GRID2: variants seen among roughly 807,000 people sequenced by gnomAD.
The protein encoded by GRID2 is glutamate ionotropic receptor delta type subunit 2.
GRID2 carries 33 observed loss-of-function variants against 114.8 expected under a neutral mutation model. The observed-to-expected ratio is 0.29, with a 90% CI of 0.22 to 0.38. GRID2 has a LOEUF of 0.38. GRID2 is among the 10% of genes least tolerant of loss of function. The pLI is 1.00. For synonymous variants in GRID2, 505 were observed against 449.9 expected, an observed-to-expected ratio of 1.12 and a Z score of -1.55; for missense variants, 1,184 against 1,257.7, an observed-to-expected ratio of 0.94 and a Z score of 0.89.
intron 2 of GRID2, among the ~76,000 whole-genome samples, chr4:92,758,262 G>C (rs1489749714): frequency 6.6e-6 from 1 of 152,036 alleles, no homozygotes; most frequent in Non-Finnish European, 1.5e-5. Flanking sequence ...ACCAAAATGT[G>C]ATAAAATTGT....
intron 2 of GRID2, among the ~76,000 whole-genome samples, chr4:92,773,100 T>C (rs1738618901): frequency 1.3e-5 from 2 of 152,214 alleles, no homozygotes; most frequent in African/African-American, 2.4e-5. Context: ...CCATTAGATA[T>C]GATAAAAATC....
intron 4 of GRID2, among the ~76,000 whole-genome samples, chr4:93,178,751 T>C (rs1326765957): frequency 1.3e-5 from 2 of 149,806 alleles, no homozygotes; most frequent in African/African-American, 5.0e-5. Flanking sequence ...AATGTGTGTG[T>C]GCGCTGAGAT....
At chr4:93,614,205 A>G (rs1461859146) in intron 13 of GRID2, among the ~76,000 whole-genome samples, 2 of 152,148 alleles carry the variant, frequency 1.3e-5, no homozygotes, top group Non-Finnish European at 2.9e-5. Flanking sequence ...GCCTGCGCCC[A>G]CTGTCTGGCA....
intron 4 of GRID2, among the ~76,000 whole-genome samples, chr4:93,143,882 T>A (rs1416157589): frequency 6.6e-6 from 1 of 152,104 alleles, no homozygotes; most frequent in Non-Finnish European, 1.5e-5. Flanking sequence ...ATGTTCTAAG[T>A]GATTTTTTTT....
chr4:92,667,619 C>A (rs1394906205), intron 2 of GRID2, among the ~76,000 whole-genome samples: 1 of 151,318 alleles, frequency 6.6e-6, no homozygotes, highest in Non-Finnish European at 1.5e-5. Context: ...TTATTTTTGC[C>A]TAGACTATAT....
At chr4:92,728,554 A>G (rs1418627027) in intron 2 of GRID2, among the ~76,000 whole-genome samples, 1 of 152,016 alleles carries the variant, frequency 6.6e-6, no homozygotes, top group Non-Finnish European at 1.5e-5. Flanking sequence ...GAATGAGACC[A>G]AGTCAAAGAG....
At chr4:93,250,093 C>G (rs1748683011) in intron 8 of GRID2, among the ~76,000 whole-genome samples, 1 of 152,138 alleles carries the variant, frequency 6.6e-6, no homozygotes, top group Admixed American at 6.5e-5. Flanking sequence ...TTGGAACTAG[C>G]CCAAATGTCC....
intron 2 of GRID2, among the ~76,000 whole-genome samples, chr4:93,083,660 C>T (rs1466332195): frequency 7.1e-6 from 1 of 141,136 alleles, no homozygotes; most frequent in Non-Finnish European, 1.5e-5. Context: ...CACACCACTG[C>T]ACTCCAGTCT....
chr4:93,259,503 CATACATGAA>C (rs1750007247), intron 8 of GRID2, among the ~76,000 whole-genome samples: 2 of 151,742 alleles, frequency 1.3e-5, no homozygotes, highest in South Asian at 4.1e-4. Context: ...AGGCTTTTTA[CATACATGAA>C]ATTTATACTG....
chr4:93,080,392 T>C (rs1005239410), intron 2 of GRID2, among the ~76,000 whole-genome samples: 2 of 152,120 alleles, frequency 1.3e-5, no homozygotes, highest in African/African-American at 4.8e-5. Context: ...TAATAAAAAG[T>C]CAACAAATAT....
chr4:93,322,097 G>A (rs1757290148), intron 8 of GRID2, among the ~76,000 whole-genome samples: 1 of 148,488 alleles, frequency 6.7e-6, no homozygotes, highest in South Asian at 2.1e-4. Flanking sequence ...TGCACAACAT[G>A]CAGGTTTGTT....
At chr4:92,313,177 A>G (rs982936330) in intron 1 of GRID2, among the ~76,000 whole-genome samples, 5 of 151,910 alleles carry the variant, frequency 3.3e-5, no homozygotes, top group Non-Finnish European at 7.4e-5. Flanking sequence ...CAGCATTTGC[A>G]ATGACTTGGA....
At chr4:92,917,843 G>C (rs1748940722) in intron 2 of GRID2, among the ~76,000 whole-genome samples, 1 of 152,094 alleles carries the variant, frequency 6.6e-6, no homozygotes, top group South Asian at 2.1e-4. Context: ...GCTCTTTTTT[G>C]GTTCCATGTG....
chr4:93,253,763 C>T (rs1579438150), intron 8 of GRID2, among the ~76,000 whole-genome samples: 1 of 151,972 alleles, frequency 6.6e-6, no homozygotes, highest in Admixed American at 6.6e-5. Context: ...TCTGAAGGAC[C>T]CTTTTTCAAG....
intron 1 of GRID2, among the ~76,000 whole-genome samples, chr4:92,423,473 A>G (rs1052103053): frequency 6.6e-5 from 10 of 152,150 alleles, no homozygotes; most frequent in African/African-American, 1.2e-4. Flanking sequence ...ATTCAAGTCC[A>G]TAATGTGTTT....
intron 2 of GRID2, among the ~76,000 whole-genome samples, chr4:92,783,019 T>C (rs1739158423): frequency 6.6e-6 from 1 of 152,118 alleles, no homozygotes; most frequent in Admixed American, 6.6e-5. Context: ...TTTATTACTC[T>C]TAGTATTATC....
intron 2 of GRID2, among the ~76,000 whole-genome samples, chr4:92,943,032 C>T (rs568303029): frequency 4.8e-4 from 73 of 152,270 alleles, no homozygotes; most frequent in Non-Finnish European, 7.2e-4. Flanking sequence ...TTTGGTGAAT[C>T]TGACAATTAT....
chr4:93,321,175 G>A (rs550820920), intron 8 of GRID2, among the ~76,000 whole-genome samples: 4 of 152,092 alleles, frequency 2.6e-5, no homozygotes, highest in South Asian at 2.1e-4. Flanking sequence ...ATCGTCACAC[G>A]GAATTCTTGG....
chr4:92,599,028 CTTTTTTT>C (rs79836874), intron 2 of GRID2, among the ~76,000 whole-genome samples: 168 of 115,274 alleles, frequency 1.5e-3, no homozygotes, highest in African/African-American at 4.0e-3. Flanking sequence ...AATGCTTTTC[CTTTTTTT>C]TTTTTTTTTT....
Sources: allele counts gnomAD v4.1 joint callset (sites outside exome capture counted in the v4.1 genomes callset), GRCh38; gene constraint gnomAD v4.1.1; transcripts MANE v1.5; gene names NCBI Gene and HGNC (gene_info 2026-07-23, HGNC 2026-07-21).